Variants in CCDC7 observed in about 807,000 individuals in gnomAD.
CCDC7 encodes coiled-coil domain containing 7.
CCDC7 carries 183 observed loss-of-function variants against 196.9 expected under a neutral mutation model. That is an observed-to-expected ratio of 0.93 (90% confidence interval 0.82 to 1.05). The LOEUF (loss-of-function observed/expected upper bound fraction) is 1.05. Among genes scored for constraint, CCDC7 ranks in the 50% least tolerant of loss-of-function variants. The probability of loss-of-function intolerance (pLI) is 0.00; values close to 1 mark genes in which losing one functional copy is unlikely to be tolerated. For missense variants in CCDC7, 1,540 were observed against 1,482.2 expected, an observed-to-expected ratio of 1.04 and a Z score of -0.64; for synonymous variants, 525 against 484.6, an observed-to-expected ratio of 1.08 and a Z score of -1.10.
At chr10:32,601,718 A>G (rs1308689170) in intron 18 of CCDC7, among the ~76,000 whole-genome samples, 1 of 152,090 alleles carries the variant, frequency 6.6e-6, no homozygotes, top group African/African-American at 2.4e-5. Flanking sequence ...AAAGGATTGT[A>G]AACTCACCAA....
intron 31 of CCDC7, among the ~76,000 whole-genome samples, chr10:32,818,879 C>G (rs2089480161): frequency 6.6e-6 from 1 of 152,132 alleles, no homozygotes; most frequent in Non-Finnish European, 1.5e-5. Context: ...CTAAAATTGA[C>G]ACCCTAACGT....
intron 30 of CCDC7, among the ~76,000 whole-genome samples, chr10:32,811,489 T>C (rs1443254502): frequency 2.0e-5 from 3 of 152,050 alleles, no homozygotes; most frequent in African/African-American, 7.2e-5. Flanking sequence ...ACAAACGTGC[T>C]GTTAGATAAA....
At chr10:32,504,943 T>A (rs577377359) in intron 9 of CCDC7, among the ~76,000 whole-genome samples, 1 of 152,330 alleles carries the variant, frequency 6.6e-6, no homozygotes, top group African/African-American at 2.4e-5. Flanking sequence ...ATCGTTCAAG[T>A]CCGATGTTTC....
intron 13 of CCDC7, among the ~76,000 whole-genome samples, chr10:32,547,761 C>A (rs1057363858): frequency 2.0e-5 from 3 of 152,016 alleles, no homozygotes; most frequent in Non-Finnish European, 1.5e-5. Context: ...TCCAATTATA[C>A]TTTCTTAGTT....
rs896031195 is a variant in CCDC7 at position 32,511,762 on chromosome 10, G to A, written c.873-6183G>A. 13 of 1,498,668 alleles carry A rather than the reference G, an allele frequency of 8.7e-6. No individual in the cohort carries two copies. The African/African-American group carries it at 1.4e-4, about 16-fold the overall frequency. 92.8% of individuals were successfully genotyped at this position (1,498,668 alleles called of 1,614,324 possible). A position where few individuals can be genotyped will look rare whatever the true frequency, so the allele number is the denominator to read the frequency against. On this transcript the variant is annotated intron_variant, in intron 9 of 41. Transcript: ENST00000639629. ...CCGTTATGGCTGACTCACGGCCTTC[G>A]ACTCCAGCCTCCCGGAAAGCGGTCG... is the stretch of plus-strand genomic sequence containing the variant.
At chr10:32,455,770 A>G (rs1484925933) in intron 2 of CCDC7, among the ~76,000 whole-genome samples, 1 of 152,216 alleles carries the variant, frequency 6.6e-6, no homozygotes, top group East Asian at 1.9e-4. Flanking sequence ...TTTGATCGTT[A>G]TGACATTTAA....
At chr10:32,771,329 A>G (rs1034348175) in intron 28 of CCDC7, among the ~76,000 whole-genome samples, 1 of 152,176 alleles carries the variant, frequency 6.6e-6, no homozygotes, top group Non-Finnish European at 1.5e-5. Flanking sequence ...TATAAAACTT[A>G]GTTTTGCAGG....
At chr10:32,726,972 G>T (rs888639400) in intron 26 of CCDC7, 140 bp downstream of exon 27, 2 of 545,682 alleles carry the variant, frequency 3.7e-6, no homozygotes, top group African/African-American at 3.9e-5. Context: ...CTTAAGATAA[G>T]TAGAGAGCAA....
In CCDC7 at chr10:32,845,141, A is replaced by G. The variant is rs2093206214; in HGVS notation, c.3353-102A>G. 2.0e-5 allele frequency: 13 copies of G among 640,462 alleles called. No homozygotes were observed. The South Asian group carries it at 3.9e-4, about 19-fold the overall frequency. The allele number at this position is 640,462 out of a possible 1,614,324, so 39.7% of individuals were successfully genotyped here. ...CCAATATGTTAGTATTATATAGGTG[A>G]AATTCTAAATGAATATCCTCCTATA... On this transcript the variant is annotated intron_variant, in intron 33 of 41. Coordinates refer to ENST00000639629, the Ensembl canonical transcript of CCDC7.
At chr10:32,705,748 C>G (rs532960255) in intron 24 of CCDC7, among the ~76,000 whole-genome samples, 1 of 152,172 alleles carries the variant, frequency 6.6e-6, no homozygotes, top group South Asian at 2.1e-4. Flanking sequence ...GTAAAGGGAT[C>G]AATTCAACAA....
intron 20 of CCDC7, among the ~76,000 whole-genome samples, chr10:32,656,791 TA>T (rs2069986931): frequency 6.6e-6 from 1 of 152,146 alleles, no homozygotes; most frequent in Non-Finnish European, 1.5e-5. Context: ...CCCAAAGTCT[TA>T]ACTTATTCCA....
intron 32 of CCDC7, among the ~76,000 whole-genome samples, chr10:32,833,989 T>A (rs1218487156): frequency 1.6e-4 from 24 of 152,082 alleles, no homozygotes; most frequent in Admixed American, 7.2e-4. Flanking sequence ...TAAATCCAGA[T>A]TATTTGATTT....
At chr10:32,869,176 C>A (rs1385426301) in intron 41 of CCDC7, among the ~76,000 whole-genome samples, 2 of 152,068 alleles carry the variant, frequency 1.3e-5, no homozygotes, top group Non-Finnish European at 2.9e-5. Flanking sequence ...CTAGTTTACA[C>A]TCCCACCAGC....
At chr10:32,711,722 G>C in exon 25 of CCDC7, 1 of 1,550,800 alleles carries the variant, frequency 6.4e-7, no homozygotes, top group East Asian at 2.3e-5. Context: ...GAAGGAGAAG[G>C]ACGTAGCAGT....
intron 16 of CCDC7, among the ~76,000 whole-genome samples, chr10:32,573,515 G>A (rs974420915): frequency 1.3e-5 from 2 of 152,112 alleles, no homozygotes; most frequent in African/African-American, 2.4e-5. Flanking sequence ...ATCTTAAAGA[G>A]GGGTTATGAT....
At chr10:32,609,591 C>T (rs1382122250) in intron 18 of CCDC7, among the ~76,000 whole-genome samples, 1 of 152,120 alleles carries the variant, frequency 6.6e-6, no homozygotes, top group African/African-American at 2.4e-5. Flanking sequence ...ACTGTTGATA[C>T]ACAAGGGCTA....
intron 20 of CCDC7, among the ~76,000 whole-genome samples, chr10:32,662,512 T>C (rs1304112883): frequency 6.6e-6 from 1 of 152,170 alleles, no homozygotes; most frequent in African/African-American, 2.4e-5. Flanking sequence ...AGTGGGGCTC[T>C]GTGTTGTGCC....
At chr10:32,622,276 C>A (rs1312986735) in intron 18 of CCDC7, among the ~76,000 whole-genome samples, 1 of 152,112 alleles carries the variant, frequency 6.6e-6, no homozygotes, top group Non-Finnish European at 1.5e-5. Context: ...GTTTTAGCTA[C>A]CCTGTCTGGA....
chr10:32,693,772 A>T (rs1421270063), intron 23 of CCDC7, among the ~76,000 whole-genome samples: 3 of 152,126 alleles, frequency 2.0e-5, no homozygotes, highest in Non-Finnish European at 2.9e-5. Context: ...AAAGATATGT[A>T]TGTTAGGTAA....
Sources: allele counts gnomAD v4.1 joint callset (sites outside exome capture counted in the v4.1 genomes callset), GRCh38; gene constraint gnomAD v4.1.1; transcripts MANE v1.5; gene names NCBI Gene and HGNC (gene_info 2026-07-23, HGNC 2026-07-21).